The following TLN2 variants were observed in gnomAD, a reference collection of about 807,000 sequenced individuals.
TLN2 encodes the protein talin 2.
A neutral mutation model predicts 294.7 loss-of-function variants in TLN2; 118 were observed. The observed-to-expected ratio is 0.40, with a 90% CI of 0.34 to 0.47. The LOEUF (loss-of-function observed/expected upper bound fraction) is 0.47, where lower values mean the gene tolerates loss of function less well. Among genes scored for constraint, TLN2 ranks in the 20% least tolerant of loss-of-function variants. TLN2 has a pLI of 0.84. For missense variants in TLN2, 3,083 were observed against 3,282.2 expected, an observed-to-expected ratio of 0.94 and a Z score of 1.48; for synonymous variants, 1,431 against 1,304.5, an observed-to-expected ratio of 1.10 and a Z score of -2.09.
intron 26 of TLN2, among the ~76,000 whole-genome samples, chr15:62,723,155 A>G (rs776619197): frequency 1.3e-5 from 2 of 152,234 alleles, no homozygotes; most frequent in Non-Finnish European, 2.9e-5. Flanking sequence ...GCAGCCTCAT[A>G]AATTGGTAAG....
chr15:62,784,555 A>G (rs1304354061), intron 45 of TLN2: 1 of 152,364 alleles, frequency 6.6e-6, no homozygotes, highest in East Asian at 1.9e-4. Context: ...GCCATCTCTC[A>G]TACTTCTAAT....
intron 25 of TLN2, 38 bp from the exon 26 acceptor site, chr15:62,722,315 C>T: frequency 1.9e-6 from 3 of 1,583,800 alleles, no homozygotes; most frequent in Non-Finnish European, 2.6e-6. Context: ...CCTCTTGCTG[C>T]CCAGGAGCCA....
intron 1 of TLN2, among the ~76,000 whole-genome samples, chr15:62,450,848 G>A (rs1426648121): frequency 2.6e-5 from 4 of 151,666 alleles, no homozygotes; most frequent in African/African-American, 9.7e-5. Context: ...TGGGATTATA[G>A]GCATGAGCTA....
chr15:62,570,876 G>A (rs555028225), intron 1 of TLN2, among the ~76,000 whole-genome samples: 1 of 151,972 alleles, frequency 6.6e-6, no homozygotes, highest in Non-Finnish European at 1.5e-5. Flanking sequence ...TGGTGGCATA[G>A]TGGAAGAAGC....
chr15:62,809,839 G>GTTT, intron 51 of TLN2, 86 bp from the exon 52 acceptor site: 1 of 1,301,654 alleles, frequency 7.7e-7, no homozygotes, highest in Non-Finnish European at 1.1e-6. Flanking sequence ...AGGTCACCAG[G>GTTT]GTTAAGGTCT....
At chr15:62,651,301 C>A (rs2052560189) in intron 5 of TLN2, among the ~76,000 whole-genome samples, 1 of 152,094 alleles carries the variant, frequency 6.6e-6, no homozygotes, top group African/African-American at 2.4e-5. Context: ...TCTTTGGGTT[C>A]AATTTCACTA....
intron 1 of TLN2, among the ~76,000 whole-genome samples, chr15:62,412,626 T>C (rs1379417865): frequency 6.6e-6 from 1 of 152,212 alleles, no homozygotes; most frequent in East Asian, 1.9e-4. Context: ...TCAGCAACTT[T>C]GAGTTCTTGA....
At position 62,714,197 on chromosome 15, in the gene TLN2, T is replaced by G. The variant is rs531476664; in HGVS notation, c.2634+2120T>G. The stretch of plus-strand genomic sequence containing the variant: ...GCCAGGCCAATGTGCACGTTTTTTT[T>G]TTTTTTTTTTTCTTTTTTTTTTTGA... On this transcript the variant is annotated intron_variant, in intron 22 of 58. Transcript: ENST00000636159. 2.6e-3 allele frequency among the ~76,000 whole-genome samples: 226 copies of G among 85,660 alleles called. 4 individuals are homozygous for G. Among genetic ancestry groups the G allele is most frequent in the Admixed American group, 6.9e-3 (34 of 4,894 alleles). 56.2% of individuals were successfully genotyped at this position (85,660 alleles called of 152,430 possible).
At chr15:62,702,332 T>G (rs1317668455) in intron 18 of TLN2, 132 bp downstream of exon 18, 2 of 1,026,204 alleles carry the variant, frequency 1.9e-6, no homozygotes, top group Non-Finnish European at 2.8e-6. Context: ...CAGGAGTAAC[T>G]GGAGTTGTGG....
chr15:62,466,219 T>G (rs1029648462), intron 1 of TLN2, among the ~76,000 whole-genome samples: 1 of 152,146 alleles, frequency 6.6e-6, no homozygotes, highest in East Asian at 1.9e-4. Flanking sequence ...CCTCTCTGTT[T>G]AGTGACAATG....
At chr15:62,818,554 A>C (rs12324681) in intron 52 of TLN2, among the ~76,000 whole-genome samples, 1 of 152,278 alleles carries the variant, frequency 6.6e-6, no homozygotes, top group East Asian at 1.9e-4. Context: ...CCTTTTTTTA[A>C]ATCCATAAAA....
At chr15:62,708,937 G>C (rs2059246734) in intron 21 of TLN2, 141 bp downstream of exon 21, 2 of 1,016,702 alleles carry the variant, frequency 2.0e-6, no homozygotes, top group Admixed American at 5.8e-5. Flanking sequence ...CCCCACTGAA[G>C]CTCAGAAAAA....
intron 11 of TLN2, among the ~76,000 whole-genome samples, chr15:62,682,290 T>G (rs1244435340): frequency 1.3e-5 from 2 of 152,256 alleles, no homozygotes; most frequent in Admixed American, 6.5e-5. Context: ...GCACAAAATA[T>G]TCCTCTTGGT....
chr15:62,732,636 G>T (rs1371701704), intron 28 of TLN2, among the ~76,000 whole-genome samples: 1 of 152,150 alleles, frequency 6.6e-6, no homozygotes, highest in African/African-American at 2.4e-5. Flanking sequence ...GGATTGGACG[G>T]AAACAAAGTG....
chr15:62,664,301 C>T (rs1282958708), intron 9 of TLN2, among the ~76,000 whole-genome samples: 1 of 151,724 alleles, frequency 6.6e-6, no homozygotes, highest in East Asian at 1.9e-4. Flanking sequence ...ATGTAGTTGA[C>T]TTATAAAGAC....
intron 1 of TLN2, among the ~76,000 whole-genome samples, chr15:62,436,390 C>A (rs1331538493): frequency 1.3e-5 from 2 of 152,302 alleles, no homozygotes; most frequent in East Asian, 3.9e-4. Flanking sequence ...TCTACCCTGG[C>A]CTGGGGTGAG....
Position 62,805,652 on chromosome 15 carries a change from T to C in TLN2, c.6530T>C (p.Ile2177Thr), listed in dbSNP as rs2066230063. The change falls in exon 51 of 59, where the codon ATA becomes ACA. Residue 2177 changes from isoleucine (I) to threonine (T), a missense_variant. Transcript: ENST00000636159. ...AAGACATCATCACCTGAAGAATCCA[T>C]AAGGATGACGAAAGGCATCACCATG... is the stretch of plus-strand genomic sequence containing the variant. ...PEKTSSPEES[I>T]RMTKGITMAT... The C allele has an allele frequency of 1.9e-6, 3 of 1,614,038 alleles. No homozygotes were observed. Among genetic ancestry groups the C allele is most frequent in the Non-Finnish European group, 2.5e-6 (3 of 1,179,962 alleles).
intron 1 of TLN2, among the ~76,000 whole-genome samples, chr15:62,578,365 G>A (rs1388194851): frequency 6.6e-6 from 1 of 151,946 alleles, no homozygotes; most frequent in Admixed American, 6.6e-5. Context: ...TCAGGAGTTC[G>A]AGACCAGCCT....
intron 1 of TLN2, among the ~76,000 whole-genome samples, chr15:62,532,448 A>G (rs1363344110): frequency 1.3e-5 from 2 of 152,094 alleles, no homozygotes; most frequent in Non-Finnish European, 2.9e-5. Flanking sequence ...TCATCAGGCC[A>G]GTGGATTGTT....
Sources: allele counts gnomAD v4.1 joint callset (sites outside exome capture counted in the v4.1 genomes callset), GRCh38; gene constraint gnomAD v4.1.1; transcripts MANE v1.5; gene names NCBI Gene and HGNC (gene_info 2026-07-23, HGNC 2026-07-21).